TCF7L2: variants seen among roughly 807,000 people sequenced by gnomAD.
TCF7L2 encodes the protein transcription factor 7 like 2, also known as transcription factor 7-like 2.
TCF7L2 carries 23 observed loss-of-function variants against 77.9 expected under a neutral mutation model. That is an observed-to-expected ratio of 0.30 (90% CI 0.21 to 0.42). The LOEUF (loss-of-function observed/expected upper bound fraction) is 0.42, where lower values mean the gene tolerates loss of function less well. Among genes scored for constraint, TCF7L2 ranks in the 10% least tolerant of loss-of-function variants. The pLI, the probability that TCF7L2 is intolerant of heterozygous loss-of-function variation, is 1.00. For synonymous variants in TCF7L2, 413 were observed against 340.2 expected (o/e 1.21, Z -2.36); for missense variants, 654 against 793.1 (o/e 0.82, Z 2.11).
chr10:112,966,030 C>T (rs914638190), intron 4 of TCF7L2, among the ~76,000 whole-genome samples: 10 of 151,206 alleles, frequency 6.6e-5, no homozygotes, highest in Admixed American at 1.3e-4. Flanking sequence ...TAAAAGTTAG[C>T]TCAGTGTGGT....
chr10:113,120,509 G>T (rs1412568345), intron 5 of TCF7L2, among the ~76,000 whole-genome samples: 1 of 152,164 alleles, frequency 6.6e-6, no homozygotes, highest in Non-Finnish European at 1.5e-5. Context: ...AAATGACAAG[G>T]GAGCCATTGA....
At chr10:113,070,859 T>C (rs534207951) in intron 5 of TCF7L2, among the ~76,000 whole-genome samples, 80 of 152,334 alleles carry the variant, frequency 5.3e-4, no homozygotes, top group African/African-American at 1.9e-3. Context: ...TCAGGAGTTG[T>C]GCGAGCATCG....
chr10:112,995,272 G>C (rs940669624), intron 4 of TCF7L2, among the ~76,000 whole-genome samples: 1 of 152,180 alleles, frequency 6.6e-6, no homozygotes, highest in African/African-American at 2.4e-5. Flanking sequence ...TCTCCCAGTA[G>C]GCAAAGTTCG....
rs1343962474 is a variant in TCF7L2, at chr10:113,167,662, TAGTA to T, written c.*1691_*1694del. ...CCGTTCTGGATTAATAAAAGCAACT[TAGTA>T]TGTGCAGATAAAGGCTGGTCACTTG... On this transcript the variant is annotated 3_prime_UTR_variant, in exon 14 of 14. Coordinates refer to ENST00000627217, the MANE Select transcript of TCF7L2 (RefSeq NM_001146274.2). The T allele has an allele frequency of 5.4e-6, 1 of 186,142 alleles. No individual in the cohort carries two copies. The highest frequency in any genetic ancestry group is 2.3e-5 in the African/African-American group (1 of 42,712). The allele number at this position is 186,142 out of a possible 1,614,324, so 11.5% of individuals were successfully genotyped here.
At chr10:112,960,233 G>A (rs1448218431) in intron 3 of TCF7L2, among the ~76,000 whole-genome samples, 1 of 152,132 alleles carries the variant, frequency 6.6e-6, no homozygotes, top group Non-Finnish European at 1.5e-5. Flanking sequence ...CTGATGTTTT[G>A]CATATCAGAA....
At chr10:113,008,019 G>A (rs2045865463) in intron 4 of TCF7L2, among the ~76,000 whole-genome samples, 1 of 152,212 alleles carries the variant, frequency 6.6e-6, no homozygotes, top group African/African-American at 2.4e-5. Flanking sequence ...AGCGATGAGA[G>A]GGCCTCAGGG....
intron 5 of TCF7L2, among the ~76,000 whole-genome samples, chr10:113,103,421 C>T (rs2135943538): frequency 6.6e-6 from 1 of 152,050 alleles, no homozygotes; most frequent in Middle Eastern, 3.4e-3. Flanking sequence ...AGAAACAGTT[C>T]TACAATTGTT....
At chr10:113,050,747 A>G (rs1564827549) in intron 5 of TCF7L2, among the ~76,000 whole-genome samples, 1 of 152,226 alleles carries the variant, frequency 6.6e-6, no homozygotes, top group Non-Finnish European at 1.5e-5. Context: ...CAAAGGCTGA[A>G]TAAGTGAGTT....
At chr10:112,977,875 G>A (rs1233078879) in intron 4 of TCF7L2, among the ~76,000 whole-genome samples, 3 of 152,180 alleles carry the variant, frequency 2.0e-5, no homozygotes, top group African/African-American at 4.8e-5. Flanking sequence ...GCCTGCTGTC[G>A]GGGAGCAGCG....
At chr10:113,012,016 G>A (rs940596387) in intron 4 of TCF7L2, among the ~76,000 whole-genome samples, 1 of 152,168 alleles carries the variant, frequency 6.6e-6, no homozygotes, top group Admixed American at 6.5e-5. Flanking sequence ...TTACTGCCTC[G>A]AGTATTGCCG....
At chr10:112,989,561 C>A (rs540586957) in intron 4 of TCF7L2, among the ~76,000 whole-genome samples, 1 of 152,070 alleles carries the variant, frequency 6.6e-6, no homozygotes, top group African/African-American at 2.4e-5. Flanking sequence ...TGAGAGTTTG[C>A]GGCTTCATCT....
chr10:113,083,287 C>CACAG (rs2059498020), intron 5 of TCF7L2, among the ~76,000 whole-genome samples: 1 of 151,036 alleles, frequency 6.6e-6, no homozygotes, highest in South Asian at 2.1e-4. Context: ...CACACACACA[C>CACAG]ACACACGTGC....
At chr10:113,006,726 C>T (rs1441418241) in intron 4 of TCF7L2, among the ~76,000 whole-genome samples, 1 of 152,222 alleles carries the variant, frequency 6.6e-6, no homozygotes, top group African/African-American at 2.4e-5. Flanking sequence ...TTCATGTCTG[C>T]TTGCCACTCC....
intron 4 of TCF7L2, among the ~76,000 whole-genome samples, chr10:113,034,911 C>T (rs376170432): frequency 6.6e-6 from 1 of 151,956 alleles, no homozygotes; most frequent in Admixed American, 6.6e-5. Context: ...TACCATAATT[C>T]GTTTTGTCTT....
chr10:113,151,895 CCCTTCT>C lies in TCF7L2; in HGVS notation c.1161+13_1161+18del, dbSNP rs769409318. 1 of 1,591,284 alleles carries C rather than the reference CCCTTCT, an allele frequency of 6.3e-7. No individual in the cohort carries two copies. The highest frequency in any genetic ancestry group is 1.9e-5 in the Admixed American group (1 of 53,750). On this transcript the variant is annotated intron_variant, in intron 10 of 13. Transcript: ENST00000627217. The surrounding 1 kb of genome is among the most constrained non-coding windows in gnomAD (Gnocchi z 5.2). ...ATCCTTGGGCGGAGGGTAGGTGACG[CCCTTCT>C]CAGGGAGAAGCGGGGGGCGGGTGGT...
intron 4 of TCF7L2, among the ~76,000 whole-genome samples, chr10:113,003,539 A>T (rs970201211): frequency 1.3e-5 from 2 of 152,166 alleles, no homozygotes; most frequent in African/African-American, 4.8e-5. Context: ...CCCAGCCCGC[A>T]TCATGTTATC....
At chr10:113,013,783 C>A (rs549814018) in intron 4 of TCF7L2, among the ~76,000 whole-genome samples, 1 of 152,120 alleles carries the variant, frequency 6.6e-6, no homozygotes, top group Non-Finnish European at 1.5e-5. Context: ...TTGGTGGGGT[C>A]CATCTTTCTG....
At chr10:113,095,269 G>A (rs938867900) in intron 5 of TCF7L2, among the ~76,000 whole-genome samples, 1 of 152,120 alleles carries the variant, frequency 6.6e-6, no homozygotes, top group Admixed American at 6.6e-5. Flanking sequence ...TCATTGCTTC[G>A]CATGTATAGC....
In TCF7L2 at chr10:113,119,670, G is replaced by GTT. The variant is rs35269627; in HGVS notation, c.553-21504_553-21503dup. Among the ~76,000 whole-genome samples, 120 of 142,474 alleles carry GTT rather than the reference G, an allele frequency of 8.4e-4. 1 individual carries two copies. The East Asian group carries it at 0.014, about 17-fold the overall frequency. 93.5% of individuals were successfully genotyped at this position (142,474 alleles called of 152,430 possible). A position where few individuals can be genotyped will look rare whatever the true frequency, so the allele number is the denominator to read the frequency against. On this transcript the variant is annotated intron_variant, in intron 5 of 13. Transcript: ENST00000627217. ...TTTTAGCCATGGTGTCCCTTAAGGT[G>GTT]TTTTTTTTTTTAAAAAAACTTATCG... is the stretch of plus-strand genomic sequence containing the variant.
Sources: gnomAD v4.1 joint callset for allele counts (sites outside exome capture counted in the v4.1 genomes callset) on GRCh38, gnomAD v4.1.1 for gene constraint, Gnocchi (gnomAD v3.1) non-coding constraint, MANE v1.5 for transcripts, NCBI Gene and HGNC (gene_info 2026-07-23, HGNC 2026-07-21) for gene names.